The following GRIK2 variants were observed in gnomAD, a reference collection of about 807,000 sequenced individuals.
GRIK2 encodes the protein glutamate receptor ionotropic, kainate 2.
In GRIK2, 32 loss-of-function variants were observed where a neutral mutation model predicts 100.3. The ratio of observed to expected loss-of-function variants is 0.32; its 90% CI spans 0.24 to 0.43. The LOEUF is 0.43. GRIK2 is among the 20% of genes least tolerant of loss of function. The pLI is 1.00. For missense variants in GRIK2, 843 were observed against 1,114.9 expected (o/e 0.76, Z 3.47); for synonymous variants, 417 against 389.4 (o/e 1.07, Z -0.83).
intron 14 of GRIK2, among the ~76,000 whole-genome samples, chr6:102,006,384 A>ATT (rs1795228774): frequency 2.7e-5 from 3 of 111,720 alleles, no homozygotes; most frequent in South Asian, 2.4e-4. Context: ...ATATATATAT[A>ATT]TATATATTTT....
intron 14 of GRIK2, among the ~76,000 whole-genome samples, chr6:101,967,095 T>TA (rs1190596390): frequency 6.6e-6 from 1 of 151,822 alleles, no homozygotes; most frequent in Non-Finnish European, 1.5e-5. Context: ...TCAACTTCTT[T>TA]AAAATATATT....
intron 6 of GRIK2, among the ~76,000 whole-genome samples, chr6:101,685,711 A>C (rs1447301986): frequency 1.3e-5 from 2 of 152,090 alleles, no homozygotes; most frequent in African/African-American, 4.8e-5. Flanking sequence ...CCTTTCATAC[A>C]GTTTTCATTA....
chr6:101,806,385 C>T (rs1426628082), intron 9 of GRIK2, among the ~76,000 whole-genome samples: 1 of 152,050 alleles, frequency 6.6e-6, no homozygotes, highest in Non-Finnish European at 1.5e-5. Flanking sequence ...AACCATAGTA[C>T]CTTTCAACTG....
At chr6:101,956,160 C>T (rs547956431) in intron 14 of GRIK2, among the ~76,000 whole-genome samples, 8 of 151,962 alleles carry the variant, frequency 5.3e-5, no homozygotes, top group African/African-American at 1.7e-4. Context: ...AAATTACTAA[C>T]GCATTTTAAA....
chr6:102,054,678 T>C (rs1213366739), intron 15 of GRIK2, among the ~76,000 whole-genome samples: 1 of 152,126 alleles, frequency 6.6e-6, no homozygotes, highest in Non-Finnish European at 1.5e-5. Context: ...ATAAAATAAA[T>C]TGATAAAGGA....
At chr6:101,399,956 G>A (rs1775198255) in intron 2 of GRIK2, among the ~76,000 whole-genome samples, 1 of 152,200 alleles carries the variant, frequency 6.6e-6, no homozygotes. Context: ...CCCTTACTGG[G>A]ATGCAGAGCT....
chr6:101,588,810 A>G (rs577785156), intron 2 of GRIK2, among the ~76,000 whole-genome samples: 121 of 152,222 alleles, frequency 7.9e-4, no homozygotes, highest in Admixed American at 3.9e-3. Context: ...CATGTACACA[A>G]GAACTTAAAG....
intron 4 of GRIK2, among the ~76,000 whole-genome samples, chr6:101,657,707 C>T (rs1317995935): frequency 6.6e-6 from 1 of 152,056 alleles, no homozygotes; most frequent in Admixed American, 6.6e-5. Flanking sequence ...AGCAATGTGG[C>T]ATATGTTTGA....
At chr6:101,871,132 AG>A (rs1785389777) in intron 11 of GRIK2, among the ~76,000 whole-genome samples, 1 of 151,886 alleles carries the variant, frequency 6.6e-6, no homozygotes, top group Non-Finnish European at 1.5e-5. Flanking sequence ...TCAATATAAA[AG>A]TAAAGATTTT....
At chr6:101,871,126 T>C (rs1785389048) in intron 11 of GRIK2, among the ~76,000 whole-genome samples, 1 of 151,814 alleles carries the variant, frequency 6.6e-6, no homozygotes, top group South Asian at 2.1e-4. Flanking sequence ...GTATAATCAA[T>C]ATAAAAGTAA....
intron 12 of GRIK2, among the ~76,000 whole-genome samples, chr6:101,906,339 T>C (rs1467602529): frequency 9.4e-6 from 1 of 106,768 alleles, no homozygotes; most frequent in Admixed American, 1.1e-4. Context: ...TATTAAACTT[T>C]CTTGAATCAT....
chr6:101,842,079 T>C (rs1783539705), intron 10 of GRIK2, among the ~76,000 whole-genome samples: 1 of 152,218 alleles, frequency 6.6e-6, no homozygotes, highest in Non-Finnish European at 1.5e-5. Flanking sequence ...ATAAATTATA[T>C]AACATCATTC....
chr6:101,962,094 G>A (rs566745842), intron 14 of GRIK2, among the ~76,000 whole-genome samples: 2 of 152,262 alleles, frequency 1.3e-5, no homozygotes, highest in South Asian at 4.1e-4. Flanking sequence ...GTATGACACA[G>A]GGGTGAGGGG....
intron 14 of GRIK2, among the ~76,000 whole-genome samples, chr6:101,997,604 T>C (rs1794716494): frequency 6.6e-6 from 1 of 152,052 alleles, no homozygotes; most frequent in African/African-American, 2.4e-5. Context: ...TTAATAAGAG[T>C]CACCACACAG....
intron 2 of GRIK2, 128 bp from the exon 3 acceptor site, chr6:101,621,821 T>TCA (rs201504197): frequency 8.3e-5 from 53 of 638,900 alleles, no homozygotes; most frequent in Middle Eastern, 3.1e-4. Flanking sequence ...TTTCTCTCTC[T>TCA]CACACACACA....
intron 4 of GRIK2, among the ~76,000 whole-genome samples, chr6:101,646,914 TA>T (rs943356107): frequency 2.8e-4 from 42 of 151,910 alleles, no homozygotes; most frequent in African/African-American, 9.9e-4. Context: ...GAAAGAGATA[TA>T]AAACATGAGA....
chr6:101,788,905 A>G (rs915352285), intron 7 of GRIK2, among the ~76,000 whole-genome samples: 2 of 152,096 alleles, frequency 1.3e-5, no homozygotes, highest in Non-Finnish European at 2.9e-5. Flanking sequence ...TTGCCATTCT[A>G]ACTGGTGTGA....
chr6:101,795,164 G>A (rs970954647), intron 7 of GRIK2, among the ~76,000 whole-genome samples: 5 of 152,088 alleles, frequency 3.3e-5, no homozygotes, highest in African/African-American at 1.2e-4. Context: ...ACCATACCCG[G>A]CCAGCTTTTT....
intron 10 of GRIK2, among the ~76,000 whole-genome samples, chr6:101,843,989 T>C (rs1197363077): frequency 3.9e-5 from 6 of 152,064 alleles, no homozygotes; most frequent in African/African-American, 1.4e-4. Context: ...CTTTATGACA[T>C]AGAACAACAC....
Sources: allele counts gnomAD v4.1 joint callset (sites outside exome capture counted in the v4.1 genomes callset), GRCh38; gene constraint gnomAD v4.1.1; transcripts MANE v1.5; gene names NCBI Gene and HGNC (gene_info 2026-07-23, HGNC 2026-07-21).